OSBPL10: variants seen among roughly 807,000 people sequenced by gnomAD.
OSBPL10 encodes oxysterol binding protein like 10.
Under a neutral mutation model 81.7 loss-of-function variants are expected in OSBPL10, and 49 were observed. The ratio of observed to expected loss-of-function variants is 0.60; its 90% CI spans 0.48 to 0.76. OSBPL10 has a LOEUF of 0.76. Among genes scored for constraint, OSBPL10 ranks in the 30% least tolerant of loss-of-function variants. OSBPL10 has a pLI of 0.00. For synonymous variants in OSBPL10, 419 were observed against 383.6 expected, an observed-to-expected ratio of 1.09 and a Z score of -1.08; for missense variants, 923 against 987.8, an observed-to-expected ratio of 0.93 and a Z score of 0.88.
chr3:31,796,780 G>C (rs1559469245), intron 4 of OSBPL10, among the ~76,000 whole-genome samples: 2 of 151,958 alleles, frequency 1.3e-5, no homozygotes, highest in South Asian at 4.1e-4. Context: ...TACTCTCCTG[G>C]TATAGGTACA....
At chr3:31,816,436 A>T (rs1699836215) in intron 4 of OSBPL10, among the ~76,000 whole-genome samples, 1 of 152,284 alleles carries the variant, frequency 6.6e-6, no homozygotes, top group African/African-American at 2.4e-5. Context: ...TCCAGAAACA[A>T]GCTCAGGGAC....
chr3:31,878,663 G>A (rs574450654), intron 2 of OSBPL10, among the ~76,000 whole-genome samples: 75 of 152,258 alleles, frequency 4.9e-4, no homozygotes, highest in African/African-American at 1.7e-3. Flanking sequence ...TCATGGTCAC[G>A]AACAGATAGC....
At chr3:31,823,215 G>C (rs1700021769) in intron 4 of OSBPL10, among the ~76,000 whole-genome samples, 1 of 152,106 alleles carries the variant, frequency 6.6e-6, no homozygotes, top group African/African-American at 2.4e-5. Context: ...AATCCACATA[G>C]TTACCTAAGC....
Position 31,867,463 on chromosome 3 carries a change from G to A in OSBPL10, c.537+8970C>T, listed in dbSNP as rs563422599. Among the ~76,000 whole-genome samples, 25 of 152,148 alleles carry A rather than the reference G, an allele frequency of 1.6e-4. No individual in the cohort carries two copies. The South Asian group carries it at 4.8e-3, about 29-fold the overall frequency. ...AGCTAATCAAGAACAGGACACAGGCGGGACACGGTGGCTCTCACCTGTAAT... is the reference window on the plus strand; with the variant it reads ...AGCTAATCAAGAACAGGACACAGGCAGGACACGGTGGCTCTCACCTGTAAT... On this transcript the variant is annotated intron_variant, in intron 3 of 11. Transcript: ENST00000396556.
rs1696361566 is a variant in OSBPL10 at position 31,714,259 on chromosome 3, G to A, written c.1096-11751C>T. Among the ~76,000 whole-genome samples the A allele has an allele frequency of 3.3e-5, 5 of 152,204 alleles. No homozygotes were observed. In the South Asian group the frequency reaches 1.0e-3, roughly 32 times the overall value. ...GTAAGGCTCTGTGTTAGGCGCAGAG[G>A]AGGATTACAATCAGTGCAGGACATG... On this transcript the variant is annotated intron_variant, in intron 6 of 11. Transcript: ENST00000396556.
intron 2 of OSBPL10, among the ~76,000 whole-genome samples, chr3:32,016,248 A>G (rs1043382505): frequency 6.4e-4 from 98 of 152,234 alleles, no homozygotes; most frequent in Non-Finnish European, 2.2e-4. Context: ...CATATACACC[A>G]TGGAATACTA....
chr3:31,941,422 G>C (rs570448144), intron 1 of OSBPL10, among the ~76,000 whole-genome samples: 1 of 152,294 alleles, frequency 6.6e-6, no homozygotes, highest in South Asian at 2.1e-4. Flanking sequence ...TTTTTCAGTT[G>C]ATTTAAGCAG....
At chr3:31,761,276 A>T (rs888466986) in intron 4 of OSBPL10, among the ~76,000 whole-genome samples, 1 of 151,996 alleles carries the variant, frequency 6.6e-6, no homozygotes, top group Non-Finnish European at 1.5e-5. Context: ...GTTCAAGGCC[A>T]GCCAGGCCAA....
At chr3:31,860,830 T>C (rs1347416541) in intron 3 of OSBPL10, among the ~76,000 whole-genome samples, 1 of 151,092 alleles carries the variant, frequency 6.6e-6, no homozygotes, top group Non-Finnish European at 1.5e-5. Context: ...CCACCATGCC[T>C]GGCTAATTTT....
chr3:31,961,954 TTTTTTA>T (rs1333736355), intron 1 of OSBPL10, among the ~76,000 whole-genome samples: 4 of 151,734 alleles, frequency 2.6e-5, no homozygotes, highest in African/African-American at 7.3e-5. Flanking sequence ...AGGGTTGCTT[TTTTTTA>T]TTTTTATTTT....
intron 4 of OSBPL10, among the ~76,000 whole-genome samples, chr3:31,812,889 G>A (rs768255609): frequency 6.6e-6 from 1 of 152,014 alleles, no homozygotes; most frequent in African/African-American, 2.4e-5. Flanking sequence ...TTATTTTTGT[G>A]TTAAAGATAA....
intron 2 of OSBPL10, among the ~76,000 whole-genome samples, chr3:32,009,363 G>T (rs894569369): frequency 1.3e-5 from 2 of 152,156 alleles, no homozygotes; most frequent in African/African-American, 2.4e-5. Flanking sequence ...AATTAATCAC[G>T]CATGAGTCTT....
intron 4 of OSBPL10, among the ~76,000 whole-genome samples, chr3:31,790,541 CG>C (rs1345056789): frequency 6.6e-6 from 1 of 152,026 alleles, no homozygotes; most frequent in South Asian, 2.1e-4. Flanking sequence ...AAAATACTGA[CG>C]GGGGAAAAAG....
At chr3:31,771,177 A>T (rs898847680) in intron 4 of OSBPL10, among the ~76,000 whole-genome samples, 1 of 152,224 alleles carries the variant, frequency 6.6e-6, no homozygotes, top group African/African-American at 2.4e-5. Context: ...ACTACCAGTT[A>T]TTACCCTGAA....
chr3:31,958,394 G>C (rs1698067839), intron 1 of OSBPL10, among the ~76,000 whole-genome samples: 1 of 152,104 alleles, frequency 6.6e-6, no homozygotes, highest in Non-Finnish European at 1.5e-5. Flanking sequence ...GGCCTCACTA[G>C]ATCCAATGTA....
chr3:31,735,488 G>A (rs4374563), intron 5 of OSBPL10, among the ~76,000 whole-genome samples: 63,715 of 151,996 alleles, frequency 0.42, 13,729 homozygotes, highest in East Asian at 0.65. Context: ...ATTACAATTG[G>A]AACAAAATCT....
intron 7 of OSBPL10, among the ~76,000 whole-genome samples, chr3:31,694,168 C>G (rs1307244247): frequency 6.6e-6 from 1 of 152,072 alleles, no homozygotes; most frequent in Non-Finnish European, 1.5e-5. Flanking sequence ...GTCAGGAGTT[C>G]AAGACCAGCC....
intron 2 of OSBPL10, among the ~76,000 whole-genome samples, chr3:32,011,443 G>A (rs374280534): frequency 4.6e-5 from 7 of 152,106 alleles, no homozygotes; most frequent in Admixed American, 1.3e-4. Flanking sequence ...CCATCTGTAC[G>A]TCACCATCAT....
rs1553625121 is a variant in OSBPL10 at position 31,783,146 on chromosome 3, T to TAC, written c.730-35028_730-35027dup. ...ATATATATATATATATATATATATA[T>TAC]ACACACACACCATAGAATACTACTC... On this transcript the variant is annotated intron_variant, in intron 4 of 11. Coordinates refer to ENST00000396556, the MANE Select transcript of OSBPL10 (RefSeq NM_017784.5). Among the ~76,000 whole-genome samples, 134 of 112,872 alleles carry TAC rather than the reference T, an allele frequency of 1.2e-3. 4 individuals carry two copies. The highest frequency in any genetic ancestry group is 4.1e-3 in the African/African-American group (106 of 25,904). The allele number at this position is 112,872 out of a possible 152,430, so 74.0% of individuals were successfully genotyped here. A position where few individuals can be genotyped will look rare whatever the true frequency, so the allele number is the denominator to read the frequency against.
Sources: allele counts gnomAD v4.1 joint callset (sites outside exome capture counted in the v4.1 genomes callset), GRCh38; gene constraint gnomAD v4.1.1; transcripts MANE v1.5; gene names NCBI Gene and HGNC (gene_info 2026-07-23, HGNC 2026-07-21).